Variants in DLG2 observed in about 807,000 individuals in gnomAD.
DLG2 encodes disks large homolog 2.
A neutral mutation model predicts 132.5 loss-of-function variants in DLG2; 45 were observed. That is an observed-to-expected ratio of 0.34 (90% CI 0.27 to 0.44). The LOEUF (loss-of-function observed/expected upper bound fraction) is 0.44, where lower values mean the gene tolerates loss of function less well. DLG2 is among the 20% of genes least tolerant of loss of function. The pLI, the probability that DLG2 is intolerant of heterozygous loss-of-function variation, is 1.00. For missense variants in DLG2, 1,045 were observed against 1,196.9 expected, an observed-to-expected ratio of 0.87 and a Z score of 1.87; for synonymous variants, 424 against 419.6, an observed-to-expected ratio of 1.01 and a Z score of -0.13.
At chr11:83,527,209 T>C (rs569591461) in intron 21 of DLG2, among the ~76,000 whole-genome samples, 9 of 152,156 alleles carry the variant, frequency 5.9e-5, no homozygotes, top group Non-Finnish European at 1.0e-4. Flanking sequence ...CCAAGTTAGG[T>C]TTTGACAAAG....
intron 7 of DLG2, among the ~76,000 whole-genome samples, chr11:84,301,089 C>T (rs1026897914): frequency 3.9e-5 from 6 of 152,156 alleles, no homozygotes; most frequent in Non-Finnish European, 7.4e-5. Flanking sequence ...AACAATTGGT[C>T]TTTTTCTAAA....
intron 7 of DLG2, among the ~76,000 whole-genome samples, chr11:84,515,586 A>C (rs911705976): frequency 1.3e-5 from 2 of 151,844 alleles, no homozygotes; most frequent in African/African-American, 4.8e-5. Flanking sequence ...TAAACATATA[A>C]CATAAATATG....
At chr11:83,852,338 G>T (rs528690445) in intron 16 of DLG2, among the ~76,000 whole-genome samples, 1 of 152,284 alleles carries the variant, frequency 6.6e-6, no homozygotes, top group South Asian at 2.1e-4. Context: ...TTCAGAAAAT[G>T]GATTTGAAAT....
chr11:84,325,984 T>C (rs1283872646), intron 7 of DLG2, among the ~76,000 whole-genome samples: 1 of 152,076 alleles, frequency 6.6e-6, no homozygotes, highest in African/African-American at 2.4e-5. Context: ...GGTTATATGT[T>C]TCTAGGAATT....
chr11:85,590,657 A>C (rs34359423), intron 3 of DLG2, among the ~76,000 whole-genome samples: 18,834 of 151,114 alleles, frequency 0.12, 1,559 homozygotes, highest in Non-Finnish European at 0.19. Context: ...CTCTCTATAT[A>C]TATATATATA....
chr11:84,697,333 C>A (rs141893261), intron 6 of DLG2, among the ~76,000 whole-genome samples: 1 of 151,324 alleles, frequency 6.6e-6, no homozygotes, highest in East Asian at 1.9e-4. Flanking sequence ...TCATCCTAGC[C>A]GAATTAGTAT....
intron 6 of DLG2, among the ~76,000 whole-genome samples, chr11:84,927,747 C>T (rs190692444): frequency 6.6e-6 from 1 of 152,016 alleles, no homozygotes; most frequent in Non-Finnish European, 1.5e-5. Context: ...ATTATTTTAA[C>T]CATTTAAAAA....
intron 19 of DLG2, among the ~76,000 whole-genome samples, chr11:83,620,869 CAAAAAAAAA>C (rs56868518): frequency 1.7e-5 from 1 of 57,224 alleles, no homozygotes; most frequent in African/African-American, 9.9e-5. Context: ...GACTCCGTCT[CAAAAAAAAA>C]AAAAAAAAAA....
intron 6 of DLG2, among the ~76,000 whole-genome samples, chr11:84,884,918 G>A (rs1191721192): frequency 2.0e-5 from 3 of 152,054 alleles, no homozygotes; most frequent in East Asian, 3.9e-4. Flanking sequence ...AATGTAAAAT[G>A]TCCCTTTGTC....
chr11:83,999,968 A>C (rs1387280832), intron 11 of DLG2, among the ~76,000 whole-genome samples: 4 of 143,310 alleles, frequency 2.8e-5, no homozygotes, highest in African/African-American at 7.7e-5. Context: ...AAAAAAAAAA[A>C]CTCAATATGA....
chr11:85,027,556 G>A (rs554457919), intron 6 of DLG2, among the ~76,000 whole-genome samples: 16 of 152,324 alleles, frequency 1.1e-4, no homozygotes, highest in Admixed American at 3.3e-4. Context: ...AGCCAGGCAC[G>A]GAGTGGCAAA....
At chr11:84,684,855 TATA>T (rs1397753094) in intron 6 of DLG2, among the ~76,000 whole-genome samples, 1 of 152,236 alleles carries the variant, frequency 6.6e-6, no homozygotes, top group African/African-American at 2.4e-5. Context: ...TTAACGTAAT[TATA>T]ATGTGTTCCC....
At position 84,952,395 on chromosome 11, in the gene DLG2, T is replaced by C. The variant is rs1193808876; in HGVS notation, c.357+159266A>G. Reference sequence around the variant, plus strand: ...AGCCGGGCGCAGTGGCGGGCGCCTGTAGTCCCAGCTACTCGGGAGGCTGAG... The same window carrying C: ...AGCCGGGCGCAGTGGCGGGCGCCTGCAGTCCCAGCTACTCGGGAGGCTGAG... On this transcript the variant is annotated intron_variant, in intron 6 of 27. Coordinates refer to ENST00000376104, the MANE Select transcript of DLG2 (RefSeq NM_001142699.3). Among the ~76,000 whole-genome samples the C allele has an allele frequency of 2.0e-5, 3 of 152,170 alleles. No homozygotes were observed. The East Asian group carries it at 5.8e-4, about 29-fold the overall frequency.
At chr11:84,548,270 CT>C (rs910664437) in intron 6 of DLG2, among the ~76,000 whole-genome samples, 144 of 149,650 alleles carry the variant, frequency 9.6e-4, no homozygotes, top group African/African-American at 2.7e-3. Context: ...GCTAAGTATT[CT>C]TTTTTTTTTA....
intron 6 of DLG2, among the ~76,000 whole-genome samples, chr11:84,950,804 A>G (rs1012726679): frequency 6.6e-6 from 1 of 152,152 alleles, no homozygotes; most frequent in East Asian, 1.9e-4. Flanking sequence ...ATATGTACAC[A>G]TATAACCCCA....
At chr11:84,154,116 G>A (rs533662904) in intron 9 of DLG2, among the ~76,000 whole-genome samples, 7 of 152,118 alleles carry the variant, frequency 4.6e-5, no homozygotes, top group South Asian at 4.1e-4. Flanking sequence ...TCATGTCTCC[G>A]CCTCCCAAGT....
Position 84,686,515 on chromosome 11 carries a change from G to A in DLG2, c.358-151784C>T, listed in dbSNP as rs193107797. ...AAACACTACTCAATGACATCTCATG[G>A]TTCTCTCCAATCCCTAAAGTTACAT... is the stretch of plus-strand genomic sequence containing the variant. On this transcript the variant is annotated intron_variant, in intron 6 of 27. Transcript: ENST00000376104. Among the ~76,000 whole-genome samples the A allele has an allele frequency of 5.3e-3, 805 of 151,910 alleles. 2 individuals carry two copies. The highest frequency in any genetic ancestry group is 7.4e-3 in the Non-Finnish European group (502 of 67,990).
At chr11:84,517,074 G>C (rs1269408760) in intron 7 of DLG2, among the ~76,000 whole-genome samples, 1 of 67,544 alleles carries the variant, frequency 1.5e-5, no homozygotes, top group Non-Finnish European at 3.7e-5. Flanking sequence ...AAAAAAAAAA[G>C]ATTCGCAACA....
intron 3 of DLG2, among the ~76,000 whole-genome samples, chr11:85,315,856 G>A (rs1029527474): frequency 1.3e-5 from 2 of 151,880 alleles, no homozygotes; most frequent in African/African-American, 4.8e-5. Flanking sequence ...TCAATCAGAG[G>A]AGCAGTTTCA....
Sources: gnomAD v4.1 joint callset for allele counts (sites outside exome capture counted in the v4.1 genomes callset) on GRCh38, gnomAD v4.1.1 for gene constraint, MANE v1.5 for transcripts, NCBI Gene and HGNC (gene_info 2026-07-23, HGNC 2026-07-21) for gene names.